CSF2RA: variants seen among roughly 807,000 people sequenced by gnomAD.
CSF2RA encodes colony stimulating factor 2 receptor subunit alpha, also known as granulocyte-macrophage colony-stimulating factor receptor subunit alpha.
In CSF2RA, 42 loss-of-function variants were observed where a neutral mutation model predicts 51.6. That is an observed-to-expected ratio of 0.81 (90% confidence interval 0.64 to 1.05). The LOEUF is 1.05. CSF2RA is among the 50% of genes least tolerant of loss of function. The pLI is 0.00. For synonymous variants in CSF2RA, 222 were observed against 193.0 expected, an observed-to-expected ratio of 1.15 and a Z score of -1.24; for missense variants, 530 against 501.1, an observed-to-expected ratio of 1.06 and a Z score of -0.55.
rs183038231 is a variant in CSF2RA at position 1,275,710 on chromosome X, C to G, written c.-27+892C>G. Among the ~76,000 whole-genome samples the G allele has an allele frequency of 3.8e-3, 576 of 151,744 alleles. 3 individuals are homozygous for G. Among genetic ancestry groups the G allele is most frequent in the African/African-American group, 0.013 (548 of 41,450 alleles). On this transcript the variant is annotated intron_variant, in intron 2 of 12. Transcript: ENST00000381529. Reference sequence around the variant, plus strand: ...AGTAGCTGGGACTACAGGCGCCCACCACCATGCCCAGCTAATTTTTTGTAT... The same window carrying G: ...AGTAGCTGGGACTACAGGCGCCCACGACCATGCCCAGCTAATTTTTTGTAT...
downstream of CSF2RA, chrX:1,310,005 G>A: frequency 2.2e-6 from 1 of 449,254 alleles, no homozygotes; most frequent in South Asian, 4.6e-5. Context: ...GACCAGTCTG[G>A]GCAACATAGC....
At position 1,284,600 on chromosome X, in the gene CSF2RA, A is replaced by ATT. The variant is rs756926364; in HGVS notation, c.77-1166_77-1165dup. ...ACACCACCATGCCAAGCTAATTTAA[A>ATT]TTTTTTTTTTTTTAAATTTTATAGA... On this transcript the variant is annotated intron_variant, in intron 3 of 12. Transcript: ENST00000381529. 2.3e-3 allele frequency among the ~76,000 whole-genome samples: 235 copies of ATT among 103,104 alleles called. 1 individual carries two copies. The highest frequency in any genetic ancestry group is 8.6e-3 in the African/African-American group (223 of 26,064). 67.6% of individuals were successfully genotyped at this position (103,104 alleles called of 152,430 possible). A position where few individuals can be genotyped will look rare whatever the true frequency, so the allele number is the denominator to read the frequency against.
the CSF2RA span, among the ~76,000 whole-genome samples, chrX:1,322,255 G>A: frequency 8.3e-5 from 12 of 145,102 alleles, 1 homozygote; most frequent in South Asian, 1.3e-3. Flanking sequence ...ACAGGTGCCC[G>A]CCACGTCACC....
chrX:1,283,071 T>A (rs1457949686), intron 3 of CSF2RA, among the ~76,000 whole-genome samples: 1 of 151,984 alleles, frequency 6.6e-6, no homozygotes, highest in African/African-American at 2.4e-5. Context: ...TGAGGACCCA[T>A]GTCTGCATGG....
At chrX:1,272,605 A>G (rs1263021477) in intron 1 of CSF2RA, among the ~76,000 whole-genome samples, 1 of 150,908 alleles carries the variant, frequency 6.6e-6, no homozygotes, top group African/African-American at 2.4e-5. Flanking sequence ...TTCCTGCCTC[A>G]GCCTCCCGAG....
At chrX:1,308,212 T>A (rs1395318964) in intron 12 of CSF2RA, among the ~76,000 whole-genome samples, 2 of 152,070 alleles carry the variant, frequency 1.3e-5, no homozygotes, top group Non-Finnish European at 2.9e-5. Flanking sequence ...TTTCATTCAA[T>A]AACTGGGGAC....
At chrX:1,269,824 G>C (rs1161512184) in intron 1 of CSF2RA, among the ~76,000 whole-genome samples, 1 of 151,632 alleles carries the variant, frequency 6.6e-6, no homozygotes. Context: ...ATAGTAAAGG[G>C]GGGCCGGGCA....
chrX:1,270,903 G>A (rs113408590), intron 1 of CSF2RA, among the ~76,000 whole-genome samples: 5,164 of 102,668 alleles, frequency 0.05, 464 homozygotes, highest in Middle Eastern at 0.13. Flanking sequence ...TAGCCGGGGC[G>A]TGGTGGCGGG....
intron 1 of CSF2RA, among the ~76,000 whole-genome samples, chrX:1,272,788 G>A (rs1603415649): frequency 6.8e-6 from 1 of 147,576 alleles, no homozygotes; most frequent in Non-Finnish European, 1.5e-5. Context: ...ACTGCACCTA[G>A]CTTCTTCTTT....
chrX:1,295,238 T>G (rs1439860031), intron 8 of CSF2RA, among the ~76,000 whole-genome samples, 189 bp from the exon 9 acceptor site: 1 of 149,272 alleles, frequency 6.7e-6, no homozygotes, highest in African/African-American at 2.5e-5. Context: ...CCAGGAAGAC[T>G]TCTGTGTTTG....
chrX:1,300,383 GAAAAA>G (rs1423157489), intron 9 of CSF2RA, 103 bp from the exon 10 acceptor site: 2 of 1,370,950 alleles, frequency 1.5e-6, no homozygotes, highest in African/African-American at 2.9e-5. Flanking sequence ...AGAAGAAAAA[GAAAAA>G]AAGAAAAGGA....
chrX:1,285,388 G>T (rs2090511796), intron 3 of CSF2RA, among the ~76,000 whole-genome samples: 1 of 151,944 alleles, frequency 6.6e-6, no homozygotes. Flanking sequence ...CCCAGAGCCG[G>T]GTGGGAGGAC....
intron 1 of CSF2RA, among the ~76,000 whole-genome samples, chrX:1,272,405 G>T (rs1289046384): frequency 2.6e-5 from 4 of 151,216 alleles, no homozygotes; most frequent in African/African-American, 9.7e-5. Context: ...TTATAGGGTT[G>T]GGGGGAAAGA....
chrX:1,303,824 C>G, intron 10 of CSF2RA, 99 bp from the exon 11 acceptor site: 2 of 1,036,658 alleles, frequency 1.9e-6, no homozygotes. Flanking sequence ...CTTGACTGTT[C>G]CCTTTGGCTA....
the CSF2RA span, among the ~76,000 whole-genome samples, chrX:1,324,770 GACGC>G: frequency 6.6e-6 from 1 of 152,060 alleles, no homozygotes; most frequent in African/African-American, 2.4e-5. Flanking sequence ...GCAAGATGTG[GACGC>G]ACGCAGGGAA....
At chrX:1,291,571 C>G (rs73618038) in intron 7 of CSF2RA, among the ~76,000 whole-genome samples, 1,536 of 152,156 alleles carry the variant, frequency 0.01, 24 homozygotes, top group African/African-American at 0.035. Flanking sequence ...CCCGTGGACT[C>G]CTTCATCCCG....
At chrX:1,296,431 C>A (rs1979317365) in intron 9 of CSF2RA, among the ~76,000 whole-genome samples, 1 of 44,590 alleles carries the variant, frequency 2.2e-5, no homozygotes, top group South Asian at 1.0e-3. Context: ...CTACTCACGA[C>A]CCCTACACTC....
rs778872405 is a variant in CSF2RA at position 1,282,778 on chromosome X, G to A, written c.75G>A (p.Ser25=). The A allele has an allele frequency of 8.1e-6, 13 of 1,613,142 alleles. No homozygotes were observed. The highest frequency in any genetic ancestry group is 5.3e-5 in the African/African-American group (4 of 74,852). ...CATTCCTCCTGATCCCAGAGAAATCGGGTAAGTATGGAAACCTGGCTGAAC... is the reference window on the plus strand; with the variant it reads ...CATTCCTCCTGATCCCAGAGAAATCAGGTAAGTATGGAAACCTGGCTGAAC... ...HPAFLLIPEK[S]DLRTVAPASS... Residue 25 remains serine, a splice_region_variant and synonymous_variant, in exon 3 of 13, where the codon TCG becomes TCA. Transcript: ENST00000381529.
chrX:1,300,410 A>G (rs1306306305), intron 9 of CSF2RA, 81 bp from the exon 10 acceptor site: 1 of 1,522,044 alleles, frequency 6.6e-7, no homozygotes, highest in Non-Finnish European at 8.9e-7. Context: ...AAAAAAACTT[A>G]AAAGACAAAA....
Sources: allele counts gnomAD v4.1 joint callset (sites outside exome capture counted in the v4.1 genomes callset), GRCh38; gene constraint gnomAD v4.1.1; transcripts MANE v1.5; gene names NCBI Gene and HGNC (gene_info 2026-07-23, HGNC 2026-07-21).